The following CDK15 variants were observed in gnomAD, a reference collection of about 807,000 sequenced individuals.
The protein encoded by CDK15 is cyclin-dependent kinase 15.
A neutral mutation model predicts 60.3 loss-of-function variants in CDK15; 62 were observed. The observed-to-expected ratio is 1.03, with a 90% CI of 0.84 to 1.27. CDK15 has a LOEUF of 1.27. Among genes scored for constraint, CDK15 ranks in the 50% most tolerant of loss-of-function variants. The pLI, the probability that CDK15 is intolerant of heterozygous loss-of-function variation, is 0.00. For synonymous variants in CDK15, 194 were observed against 195.7 expected (o/e 0.99, Z 0.07); for missense variants, 541 against 527.8 (o/e 1.03, Z -0.25).
chr2:201,807,592 G>T lies in CDK15; in HGVS notation c.222G>T (p.Arg74=), dbSNP rs1695570389. 6.2e-7 allele frequency: 1 copy of T among 1,614,198 alleles called. No individual in the cohort carries two copies. The highest frequency in any genetic ancestry group is 1.3e-5 in the African/African-American group (1 of 75,050). Reference sequence around the variant, plus strand: ...AGAAGTTCAAGAGTAAAAGGCCACGGAGTAACAGTGATTGTTTTCAGGAAG... The same window carrying T: ...AGAAGTTCAAGAGTAAAAGGCCACGTAGTAACAGTGATTGTTTTCAGGAAG... ...RAQKFKSKRP[R]SNSDCFQEED... The change falls in exon 2 of 14, where the codon CGG becomes CGT. Residue 74 remains arginine, a synonymous_variant. Coordinates refer to ENST00000652192, the MANE Select transcript of CDK15 (RefSeq NM_001366386.2).
chr2:201,836,058 TTA>T (rs1553523959), intron 8 of CDK15, among the ~76,000 whole-genome samples: 156 of 95,994 alleles, frequency 1.6e-3, no homozygotes, highest in African/African-American at 7.0e-3. Context: ...TATATATATA[TTA>T]TATATATTTA....
At position 201,882,073 on chromosome 2, in the gene CDK15, A is replaced by C. The variant is rs1019893688; in HGVS notation, c.1198+1906A>C. ...GAAGAAACAATCACTGTCCAAACTG[A>C]TGTGTTGTTAGAAACTTGGGTTTTG... On this transcript the variant is annotated intron_variant, in intron 12 of 13. Transcript: ENST00000652192. The surrounding 1 kb of genome is among the most constrained non-coding windows in gnomAD (Gnocchi z 4.0). 2.0e-5 allele frequency among the ~76,000 whole-genome samples: 3 copies of C among 152,014 alleles called. No homozygotes were observed. The highest frequency in any genetic ancestry group is 7.3e-5 in the African/African-American group (3 of 41,346).
chr2:201,888,527 G>GT, intron 12 of CDK15: 1 of 1,514,626 alleles, frequency 6.6e-7, no homozygotes, highest in Non-Finnish European at 8.8e-7. Flanking sequence ...AGAGTGGAAG[G>GT]TTTTGCATTT....
At chr2:201,826,618 GT>G (rs1696520483) in intron 6 of CDK15, among the ~76,000 whole-genome samples, 1 of 152,162 alleles carries the variant, frequency 6.6e-6, no homozygotes, top group Non-Finnish European at 1.5e-5. Flanking sequence ...CAGAGTCATG[GT>G]TTGTTAGGGT....
intron 9 of CDK15, among the ~76,000 whole-genome samples, chr2:201,849,352 T>G (rs1261945206): frequency 6.6e-6 from 1 of 152,236 alleles, no homozygotes; most frequent in Non-Finnish European, 1.5e-5. Flanking sequence ...ATTGTTCTCT[T>G]CTTTCACTTA....
intron 13 of CDK15, among the ~76,000 whole-genome samples, chr2:201,892,346 G>C (rs733882): frequency 0.4 from 60,143 of 151,918 alleles, 12,101 homozygotes; most frequent in East Asian, 0.5. Context: ...AGATACTAAT[G>C]GAAATGGGCT....
At chr2:201,834,006 AACAATG>A (rs1272694357) in intron 7 of CDK15, 35 bp downstream of exon 7, 14 of 1,607,102 alleles carry the variant, frequency 8.7e-6, no homozygotes, top group Non-Finnish European at 1.0e-5. Context: ...CTGGGCTGTG[AACAATG>A]ATGCTTTTGT....
At chr2:201,888,966 T>G (rs993835894) in intron 12 of CDK15, 3 of 986,228 alleles carry the variant, frequency 3.0e-6, no homozygotes, top group Non-Finnish European at 3.6e-6. Context: ...GAATACAAAA[T>G]TGCATATTAT....
At chr2:201,871,568 G>A (rs1371219700) in intron 10 of CDK15, among the ~76,000 whole-genome samples, 2 of 152,036 alleles carry the variant, frequency 1.3e-5, no homozygotes, top group Non-Finnish European at 2.9e-5. Flanking sequence ...CAGAGGTAGT[G>A]GGGTTTCTTT....
At chr2:201,875,397 T>C (rs886889533) in intron 11 of CDK15, among the ~76,000 whole-genome samples, 1 of 151,534 alleles carries the variant, frequency 6.6e-6, no homozygotes, top group African/African-American at 2.4e-5. Context: ...TAGCTGATAG[T>C]ATGAATCAAA....
chr2:201,835,947 TATATATA>T (rs1321699046), intron 8 of CDK15, among the ~76,000 whole-genome samples, 184 bp downstream of exon 8: 1 of 111,076 alleles, frequency 9.0e-6, no homozygotes, highest in South Asian at 3.6e-4. Flanking sequence ...TTTATATATT[TATATATA>T]TTTGTATATA....
At chr2:201,833,716 C>CTTCTTCT (rs111614334) in intron 6 of CDK15, 132 bp from the exon 7 acceptor site, 2,976 of 170,888 alleles carry the variant, frequency 0.017, 70 homozygotes, top group African/African-American at 0.065. Context: ...TCTTCTTCTT[C>CTTCTTCT]TTTTTTTTTT....
chr2:201,862,283 G>A (rs1336816249), intron 10 of CDK15, among the ~76,000 whole-genome samples: 1 of 152,182 alleles, frequency 6.6e-6, no homozygotes, highest in Non-Finnish European at 1.5e-5. Flanking sequence ...GACAACATTA[G>A]TGTTACCATT....
intron 9 of CDK15, among the ~76,000 whole-genome samples, chr2:201,848,134 GA>G (rs1419619975): frequency 1.3e-5 from 2 of 152,094 alleles, no homozygotes; most frequent in Non-Finnish European, 2.9e-5. Flanking sequence ...AATTTTCATA[GA>G]ACCCTGATAG....
At chr2:201,829,741 A>G (rs574181280) in intron 6 of CDK15, among the ~76,000 whole-genome samples, 18 of 152,246 alleles carry the variant, frequency 1.2e-4, no homozygotes, top group African/African-American at 4.1e-4. Context: ...TCAAAGACGG[A>G]ACCCTAAGAA....
intron 9 of CDK15, among the ~76,000 whole-genome samples, chr2:201,853,709 A>G (rs1439718470): frequency 7.4e-6 from 1 of 134,700 alleles, no homozygotes; most frequent in Non-Finnish European, 1.6e-5. Flanking sequence ...ATAACTGTCT[A>G]TGGGCTTTTA....
At chr2:201,855,023 G>T in intron 10 of CDK15, 86 bp downstream of exon 10, 1 of 1,244,640 alleles carries the variant, frequency 8.0e-7, no homozygotes, top group Non-Finnish European at 1.2e-6. Context: ...TTCTTGTATT[G>T]TGAACTCAGC....
intron 10 of CDK15, among the ~76,000 whole-genome samples, chr2:201,863,712 A>G (rs1698493923): frequency 6.6e-6 from 1 of 152,308 alleles, no homozygotes; most frequent in African/African-American, 2.4e-5. Context: ...CCTGGCCAAC[A>G]TGGTGAAACC....
At chr2:201,826,482 G>C (rs377761649) in intron 6 of CDK15, among the ~76,000 whole-genome samples, 6 of 62,104 alleles carry the variant, frequency 9.7e-5, no homozygotes, top group Non-Finnish European at 1.8e-4. Context: ...AAAAAAAAAA[G>C]TTTCAGATCT....
Sources: allele counts gnomAD v4.1 joint callset (sites outside exome capture counted in the v4.1 genomes callset), GRCh38; gene constraint gnomAD v4.1.1; non-coding constraint Gnocchi (gnomAD v3.1); transcripts MANE v1.5; gene names NCBI Gene and HGNC (gene_info 2026-07-23, HGNC 2026-07-21).